The following PTPRT variants were observed in gnomAD, a reference collection of about 807,000 sequenced individuals.
PTPRT encodes receptor-type tyrosine-protein phosphatase T.
Under a neutral mutation model 176.8 loss-of-function variants are expected in PTPRT, and 56 were observed. That is an observed-to-expected ratio of 0.32 (90% CI 0.26 to 0.40). PTPRT has a LOEUF of 0.40. Among genes scored for constraint, PTPRT ranks in the 10% least tolerant of loss-of-function variants. The pLI is 1.00. For missense variants in PTPRT, 1,540 were observed against 1,908.2 expected (o/e 0.81, Z 3.60); for synonymous variants, 783 against 739.0 (o/e 1.06, Z -0.96).
chr20:42,367,947 G>A (rs1261425678), intron 9 of PTPRT, among the ~76,000 whole-genome samples: 1 of 152,158 alleles, frequency 6.6e-6, no homozygotes, highest in East Asian at 1.9e-4. Flanking sequence ...ATCCTGAAAG[G>A]TAACAGCTCC....
chr20:42,244,724 C>T (rs1054393989), intron 14 of PTPRT, among the ~76,000 whole-genome samples: 11 of 152,108 alleles, frequency 7.2e-5, no homozygotes, highest in South Asian at 2.1e-4. Flanking sequence ...AACTTGTGTG[C>T]GCATACATAT....
intron 2 of PTPRT, among the ~76,000 whole-genome samples, chr20:42,840,289 C>G (rs1351360118): frequency 6.6e-6 from 1 of 152,146 alleles, no homozygotes; most frequent in Admixed American, 6.5e-5. Context: ...CTGATTGGGG[C>G]CAACCTACTC....
intron 16 of PTPRT, 62 bp downstream of exon 16, chr20:42,199,178 C>A: frequency 3.2e-6 from 5 of 1,568,174 alleles, no homozygotes; most frequent in Non-Finnish European, 4.4e-6. Flanking sequence ...GGGTTCACAG[C>A]AGAAGTACTA....
intron 1 of PTPRT, among the ~76,000 whole-genome samples, chr20:43,021,744 C>T (rs938411862): frequency 1.3e-5 from 2 of 150,160 alleles, no homozygotes; most frequent in Middle Eastern, 6.8e-3. Flanking sequence ...GTAACAGAAA[C>T]CAAATTAAAT....
chr20:43,129,015 AAG>A (rs1200800462), intron 1 of PTPRT, among the ~76,000 whole-genome samples: 1 of 152,172 alleles, frequency 6.6e-6, no homozygotes, highest in Non-Finnish European at 1.5e-5. Context: ...CTGGCCTACA[AAG>A]CTATAAGCTC....
chr20:42,339,480 C>T (rs1180805718), intron 11 of PTPRT, among the ~76,000 whole-genome samples: 2 of 152,144 alleles, frequency 1.3e-5, no homozygotes, highest in Non-Finnish European at 2.9e-5. Flanking sequence ...GGCAACTTCA[C>T]AGAACAAGGC....
chr20:42,407,004 G>C (rs1245802203), intron 9 of PTPRT, among the ~76,000 whole-genome samples: 1 of 152,176 alleles, frequency 6.6e-6, no homozygotes, highest in African/African-American at 2.4e-5. Context: ...AGCAGATGTA[G>C]AGGGGATGAG....
chr20:42,534,811 C>T (rs1325127499), intron 7 of PTPRT, among the ~76,000 whole-genome samples: 1 of 152,096 alleles, frequency 6.6e-6, no homozygotes, highest in Non-Finnish European at 1.5e-5. Context: ...TCACTCTGCT[C>T]GATTGCTCCC....
chr20:42,528,598 T>C (rs2072320638), intron 7 of PTPRT, among the ~76,000 whole-genome samples: 1 of 152,200 alleles, frequency 6.6e-6, no homozygotes, highest in South Asian at 2.1e-4. Context: ...TCTGGGTCTC[T>C]GATGAATCAT....
intron 1 of PTPRT, among the ~76,000 whole-genome samples, chr20:43,038,716 A>C (rs1178813648): frequency 1.3e-5 from 2 of 152,232 alleles, no homozygotes; most frequent in Non-Finnish European, 2.9e-5. Context: ...CATAACTGAA[A>C]ACTGTTGGAA....
intron 9 of PTPRT, among the ~76,000 whole-genome samples, chr20:42,437,279 G>C (rs1386556450): frequency 6.6e-6 from 1 of 152,210 alleles, no homozygotes; most frequent in African/African-American, 2.4e-5. Context: ...GGGCACCCAA[G>C]TGATAGTTCA....
chr20:43,125,133 T>C (rs1411525740), intron 1 of PTPRT, among the ~76,000 whole-genome samples: 2 of 151,234 alleles, frequency 1.3e-5, no homozygotes, highest in African/African-American at 2.4e-5. Flanking sequence ...GTAGCTGGGA[T>C]TACAGGCATG....
the PTPRT span, among the ~76,000 whole-genome samples, chr20:42,033,975 C>T: frequency 2.6e-5 from 4 of 152,280 alleles, no homozygotes; most frequent in South Asian, 2.1e-4. Flanking sequence ...ATAACAGATA[C>T]GTATGTCTAC....
chr20:42,526,961 T>A (rs1218172736), intron 7 of PTPRT, among the ~76,000 whole-genome samples: 1 of 123,866 alleles, frequency 8.1e-6, no homozygotes. Context: ...TTTTTCTTTT[T>A]TTTTTTTTTT....
chr20:42,167,856 A>C (rs978484083), intron 16 of PTPRT, among the ~76,000 whole-genome samples: 2 of 152,218 alleles, frequency 1.3e-5, no homozygotes, highest in African/African-American at 4.8e-5. Flanking sequence ...CTTGAATAAC[A>C]TGGAGGTTAG....
intron 7 of PTPRT, among the ~76,000 whole-genome samples, chr20:42,540,110 C>G (rs1158877402): frequency 6.6e-6 from 1 of 152,040 alleles, no homozygotes; most frequent in African/African-American, 2.4e-5. Context: ...GATAATGGAG[C>G]AATTTTATAA....
chr20:42,821,314 A>G (rs542860218), intron 2 of PTPRT, among the ~76,000 whole-genome samples: 1 of 152,330 alleles, frequency 6.6e-6, no homozygotes, highest in East Asian at 1.9e-4. Context: ...CAAAAACCAC[A>G]TGATTATCTC....
chr20:42,554,098 G>A (rs766820966), intron 7 of PTPRT, among the ~76,000 whole-genome samples: 30 of 152,162 alleles, frequency 2.0e-4, no homozygotes, highest in Non-Finnish European at 4.1e-4. Context: ...CAAAAAAAAC[G>A]TTCTTGGGAG....
chr20:42,534,028 AAGGAAGACAGGTCACCTGGCC>A (rs777765813), intron 7 of PTPRT, among the ~76,000 whole-genome samples: 2 of 152,164 alleles, frequency 1.3e-5, no homozygotes, highest in Non-Finnish European at 2.9e-5. Context: ...GTGAACACTG[AAGGAAGACAGGTCACCTGGCC>A]AGGGAGGCAG....
Sources: gnomAD v4.1 joint callset for allele counts (sites outside exome capture counted in the v4.1 genomes callset) on GRCh38, gnomAD v4.1.1 for gene constraint, MANE v1.5 for transcripts, NCBI Gene and HGNC (gene_info 2026-07-23, HGNC 2026-07-21) for gene names.